The following EPAS1 variants were observed in gnomAD, a reference collection of about 807,000 sequenced individuals.
EPAS1 encodes endothelial PAS domain protein 1.
Under a neutral mutation model 87.9 loss-of-function variants are expected in EPAS1, and 23 were observed. The ratio of observed to expected loss-of-function variants is 0.26; its 90% CI spans 0.19 to 0.37. EPAS1 has a LOEUF of 0.37. Ranked by LOEUF, EPAS1 falls within the 10% of genes least tolerant of loss-of-function variation. The pLI is 1.00. For synonymous variants in EPAS1, 508 were observed against 444.3 expected (o/e 1.14, Z -1.80); for missense variants, 1,138 against 1,120.7 (o/e 1.02, Z -0.22).
Position 46,384,738 on chromosome 2 carries a change from A to G in EPAS1, c.*78A>G, listed in dbSNP as rs1023721076. On this transcript the variant is annotated 3_prime_UTR_variant, in exon 16 of 16. Transcript: ENST00000263734. ...ACTCTCTCCGTCTGTTTTTGCAACT[A>G]GGTATTTCTAACGCCAGCACACTAT... 1 of 1,552,996 alleles carries G rather than the reference A, an allele frequency of 6.4e-7. No homozygotes were observed. The highest frequency in any genetic ancestry group is 8.7e-7 in the Non-Finnish European group (1 of 1,148,408).
intron 1 of EPAS1, among the ~76,000 whole-genome samples, chr2:46,316,256 AC>A (rs138450627): frequency 0.024 from 3,618 of 150,648 alleles, 160 homozygotes; most frequent in African/African-American, 0.083. Context: ...CAATGTACAT[AC>A]CCTTTTTTTT....
rs560284736 is a variant in EPAS1, at chr2:46,385,151, C to G, written c.*491C>G. 5.0e-5 allele frequency: 8 copies of G among 158,462 alleles called. No individual in the cohort carries two copies. In the East Asian group the frequency reaches 1.1e-3, roughly 22 times the overall value. 9.8% of individuals were successfully genotyped at this position (158,462 alleles called of 1,614,324 possible). A position where few individuals can be genotyped will look rare whatever the true frequency, so the allele number is the denominator to read the frequency against. ...CTCCCTCGCAGAGCCCTTCTCGTTT[C>G]TTTTTTAAACTAATCACCATATTGT... is the stretch of plus-strand genomic sequence containing the variant. On this transcript the variant is annotated 3_prime_UTR_variant, in exon 16 of 16. Coordinates refer to ENST00000263734, the MANE Select transcript of EPAS1 (RefSeq NM_001430.5).
intron 1 of EPAS1, among the ~76,000 whole-genome samples, chr2:46,306,693 G>C (rs1049657049): frequency 2.0e-5 from 3 of 152,102 alleles, no homozygotes; most frequent in African/African-American, 7.2e-5. Flanking sequence ...ACTTGGCTTT[G>C]TTTATGAATT....
Position 46,346,841 on chromosome 2 carries a change from T to C in EPAS1, c.27-32T>C, listed in dbSNP as rs199859218. On this transcript the variant is annotated intron_variant, in intron 1 of 15. Coordinates refer to ENST00000263734, the MANE Select transcript of EPAS1 (RefSeq NM_001430.5). This position sits in a 1 kb window ranked among gnomAD's most constrained non-coding sequence, Gnocchi z 4.0. ...GAGGTATGATAGGCTGACAGTAACCTTTCCGGGACTAACCCCTTCTTCTCC... is the reference window on the plus strand; with the variant it reads ...GAGGTATGATAGGCTGACAGTAACCCTTCCGGGACTAACCCCTTCTTCTCC... The C allele has an allele frequency of 1.9e-6, 3 of 1,613,056 alleles. No homozygotes were observed. The highest frequency in any genetic ancestry group is 2.2e-5 in the East Asian group (1 of 44,832).
At chr2:46,332,308 G>GTGTGTT (rs1683699086) in intron 1 of EPAS1, among the ~76,000 whole-genome samples, 4 of 125,690 alleles carry the variant, frequency 3.2e-5, no homozygotes, top group African/African-American at 1.5e-4. Flanking sequence ...GTGTGTGTGT[G>GTGTGTT]TGTGTGTGTG....
intron 1 of EPAS1, among the ~76,000 whole-genome samples, chr2:46,324,730 G>C (rs757538770): frequency 6.6e-6 from 1 of 152,226 alleles, no homozygotes; most frequent in East Asian, 1.9e-4. Flanking sequence ...AAGCAGTTAC[G>C]TAAGTGGGGA....
At position 46,377,875 on chromosome 2, in the gene EPAS1, CA is replaced by C. The variant is rs1558610269; in HGVS notation, c.1250-18del. 6.4e-7 allele frequency: 1 copy of C among 1,551,832 alleles called. No individual in the cohort carries two copies. Among genetic ancestry groups the C allele is most frequent in the South Asian group, 1.2e-5 (1 of 84,062 alleles). On this transcript the variant is annotated intron_variant, in intron 9 of 15. Coordinates refer to ENST00000263734, the MANE Select transcript of EPAS1 (RefSeq NM_001430.5). The stretch of plus-strand genomic sequence containing the variant: ...CCGATGGTTGTGGGTGTTCACCTCC[CA>C]GGCCCTTGTCTCCACAGGGAATCAG...
chr2:46,377,531 G>T (rs7594372), intron 9 of EPAS1, among the ~76,000 whole-genome samples: 1 of 152,210 alleles, frequency 6.6e-6, no homozygotes, highest in African/African-American at 2.4e-5. Context: ...TAGGTCTCGC[G>T]GCTTGTTTTG....
At chr2:46,314,366 C>T (rs1683273172) in intron 1 of EPAS1, among the ~76,000 whole-genome samples, 1 of 152,186 alleles carries the variant, frequency 6.6e-6, no homozygotes, top group African/African-American at 2.4e-5. Context: ...CGTGTTGAAA[C>T]ACCACTGCCT....
intron 15 of EPAS1, 163 bp from the exon 16 acceptor site, chr2:46,384,346 A>G (rs953680109): frequency 4.5e-5 from 45 of 990,206 alleles, no homozygotes; most frequent in Non-Finnish European, 7.1e-5. Context: ...TTCTGGAGGC[A>G]GACACGTTCC....
intron 1 of EPAS1, among the ~76,000 whole-genome samples, chr2:46,339,463 C>T (rs1025830207): frequency 2.0e-5 from 3 of 152,194 alleles, no homozygotes; most frequent in African/African-American, 7.2e-5. Flanking sequence ...GTTCCAGTTC[C>T]ACATACTCCC....
intron 2 of EPAS1, among the ~76,000 whole-genome samples, chr2:46,349,242 C>G (rs539063742): frequency 1.3e-5 from 2 of 152,282 alleles, no homozygotes; most frequent in East Asian, 1.9e-4. Context: ...TCCTGTCCTT[C>G]CCCCTAGTGC....
At chr2:46,310,890 T>A (rs1274902384) in intron 1 of EPAS1, among the ~76,000 whole-genome samples, 1 of 152,176 alleles carries the variant, frequency 6.6e-6, no homozygotes, top group Non-Finnish European at 1.5e-5. Context: ...TTGGCCTTTT[T>A]TTTTGAGACG....
intron 7 of EPAS1, among the ~76,000 whole-genome samples, chr2:46,373,271 C>G (rs1323650254): frequency 1.3e-5 from 2 of 152,130 alleles, no homozygotes; most frequent in African/African-American, 2.4e-5. Context: ...CCAGCAATTG[C>G]ACTCCTAGCT....
At chr2:46,382,858 G>C (rs1320658645) in intron 15 of EPAS1, among the ~76,000 whole-genome samples, 1 of 152,354 alleles carries the variant, frequency 6.6e-6, no homozygotes, top group South Asian at 2.1e-4. Context: ...CTGAAGGAAA[G>C]AATGCAGACC....
intron 1 of EPAS1, among the ~76,000 whole-genome samples, chr2:46,334,524 G>A (rs1308526263): frequency 6.6e-6 from 1 of 152,052 alleles, no homozygotes. Context: ...AGTTCTCCCT[G>A]TCTTCTCCAG....
chr2:46,302,734 GAAAAAAAAAAA>G (rs368452487), intron 1 of EPAS1, among the ~76,000 whole-genome samples: 42 of 119,550 alleles, frequency 3.5e-4, no homozygotes, highest in African/African-American at 1.1e-3. Flanking sequence ...GTCTGATTAG[GAAAAAAAAAAA>G]AAAAAAAAAA....
intron 1 of EPAS1, among the ~76,000 whole-genome samples, chr2:46,313,137 C>T (rs756991321): frequency 3.9e-5 from 6 of 152,200 alleles, no homozygotes; most frequent in South Asian, 2.1e-4. Flanking sequence ...CTTGTCCTTC[C>T]GGTGTTACTA....
chr2:46,344,433 G>C (rs1186628125), intron 1 of EPAS1, among the ~76,000 whole-genome samples: 1 of 152,186 alleles, frequency 6.6e-6, no homozygotes, highest in African/African-American at 2.4e-5. Flanking sequence ...GCTTTTGTTG[G>C]AGAGCACAAG....
Sources: gnomAD v4.1 joint callset for allele counts (sites outside exome capture counted in the v4.1 genomes callset) on GRCh38, gnomAD v4.1.1 for gene constraint, Gnocchi (gnomAD v3.1) non-coding constraint, MANE v1.5 for transcripts, NCBI Gene and HGNC (gene_info 2026-07-23, HGNC 2026-07-21) for gene names.